The following SCN11A variants were observed in gnomAD, a reference collection of about 807,000 sequenced individuals.
SCN11A encodes sodium voltage-gated channel alpha subunit 11.
A neutral mutation model predicts 162.2 loss-of-function variants in SCN11A; 122 were observed. The observed-to-expected ratio is 0.75, with a 90% CI of 0.65 to 0.87. The LOEUF is 0.87. Among genes scored for constraint, SCN11A ranks in the 40% least tolerant of loss-of-function variants. The probability of loss-of-function intolerance (pLI) is 0.00; values close to 1 mark genes in which losing one functional copy is unlikely to be tolerated. For synonymous variants in SCN11A, 758 were observed against 751.5 expected, an observed-to-expected ratio of 1.01 and a Z score of -0.14; for missense variants, 2,015 against 2,181.6, an observed-to-expected ratio of 0.92 and a Z score of 1.52.
At chr3:38,930,723 A>T (rs1350633052) in intron 7 of SCN11A, among the ~76,000 whole-genome samples, 1 of 152,160 alleles carries the variant, frequency 6.6e-6, no homozygotes. Context: ...TCTGATGTGG[A>T]GTAAAACCAT....
At chr3:39,041,280 C>T (rs1177999809) in intron 1 of SCN11A, among the ~76,000 whole-genome samples, 1 of 152,038 alleles carries the variant, frequency 6.6e-6, no homozygotes, top group African/African-American at 2.4e-5. Flanking sequence ...AATAGAAAAC[C>T]TATTTGATGA....
intron 22 of SCN11A, 102 bp downstream of exon 22, chr3:38,883,131 G>C: frequency 9.8e-7 from 1 of 1,020,038 alleles, no homozygotes; most frequent in Non-Finnish European, 1.4e-6. Context: ...GACCACTTCT[G>C]TCTGGTCTCC....
rs577638660 is a variant in SCN11A, at chr3:38,988,497, G to A, written c.-279-28074C>T. On this transcript the variant is annotated intron_variant, in intron 2 of 29. Transcript: ENST00000302328. ...CACCTTGCAGTCTCTTTCTGTCTCA[G>A]GTAGTCCTCGCACACATCTTTCCCC... 3.8e-4 allele frequency among the ~76,000 whole-genome samples: 58 copies of A among 152,040 alleles called. 1 individual carries two copies. The highest frequency in any genetic ancestry group is 6.9e-4 in the Non-Finnish European group (47 of 67,998).
chr3:39,036,193 G>C (rs769949335), intron 1 of SCN11A, among the ~76,000 whole-genome samples: 4 of 151,966 alleles, frequency 2.6e-5, no homozygotes, highest in Admixed American at 6.6e-5. Context: ...GCCCAGGCTG[G>C]AGTGCAATGG....
chr3:38,856,478 A>AGC (rs1237139583), intron 28 of SCN11A, among the ~76,000 whole-genome samples: 6 of 152,194 alleles, frequency 3.9e-5, no homozygotes, highest in African/African-American at 1.4e-4. Flanking sequence ...TGTGAGGTGA[A>AGC]TAGCTTTCTG....
intron 1 of SCN11A, among the ~76,000 whole-genome samples, chr3:39,043,291 C>T (rs1201313521): frequency 2.0e-5 from 3 of 152,220 alleles, no homozygotes; most frequent in South Asian, 2.1e-4. Context: ...GGCTACCATA[C>T]GATCCAGCAA....
chr3:38,963,614 G>A (rs2066761861), intron 2 of SCN11A, among the ~76,000 whole-genome samples: 1 of 151,750 alleles, frequency 6.6e-6, no homozygotes. Flanking sequence ...TTCAAGTGAA[G>A]TAACTCAGGA....
intron 2 of SCN11A, among the ~76,000 whole-genome samples, chr3:38,991,337 T>C (rs2125594328): frequency 6.6e-6 from 1 of 152,250 alleles, no homozygotes; most frequent in South Asian, 2.1e-4. Context: ...GACTCTTTCC[T>C]CCGCCCAGAG....
At chr3:38,854,624 T>C (rs949574853) in intron 28 of SCN11A, among the ~76,000 whole-genome samples, 2 of 152,192 alleles carry the variant, frequency 1.3e-5, no homozygotes, top group Non-Finnish European at 2.9e-5. Context: ...AGAAGTGACA[T>C]GCCACTGCAG....
intron 2 of SCN11A, among the ~76,000 whole-genome samples, chr3:39,000,206 T>C (rs188408676): frequency 1.3e-5 from 2 of 152,372 alleles, no homozygotes; most frequent in East Asian, 3.9e-4. Flanking sequence ...GCATGTAGTC[T>C]GTGACTTGGA....
chr3:38,879,010 A>G (rs1302721020), intron 23 of SCN11A, among the ~76,000 whole-genome samples: 1 of 152,172 alleles, frequency 6.6e-6, no homozygotes, highest in African/African-American at 2.4e-5. Flanking sequence ...AAGGTATTAC[A>G]TAATCACATG....
At chr3:38,951,313 T>C (rs1575330236) in intron 4 of SCN11A, among the ~76,000 whole-genome samples, 1 of 152,116 alleles carries the variant, frequency 6.6e-6, no homozygotes, top group South Asian at 2.1e-4. Context: ...CTGCGGAGGG[T>C]GTACTGGGTC....
intron 7 of SCN11A, among the ~76,000 whole-genome samples, chr3:38,931,053 G>A (rs2125558725): frequency 6.6e-6 from 1 of 152,326 alleles, no homozygotes; most frequent in East Asian, 1.9e-4. Context: ...CTCCTCCATA[G>A]GTCCTGCCCT....
At chr3:38,920,044 A>G (rs886214356) in intron 10 of SCN11A, 43 bp from the exon 11 acceptor site, 1 of 1,454,320 alleles carries the variant, frequency 6.9e-7, no homozygotes, top group East Asian at 2.3e-5. Flanking sequence ...TAAAAAAAAC[A>G]TTGAAAGGAA....
chr3:38,892,545 A>G (rs1190764963), intron 19 of SCN11A, among the ~76,000 whole-genome samples: 1 of 152,194 alleles, frequency 6.6e-6, no homozygotes, highest in East Asian at 1.9e-4. Flanking sequence ...TCACAGGAAC[A>G]AATGAAGACA....
chr3:39,015,561 G>A (rs1317726874), intron 2 of SCN11A, among the ~76,000 whole-genome samples: 1 of 152,058 alleles, frequency 6.6e-6, no homozygotes, highest in Admixed American at 6.6e-5. Flanking sequence ...TGTATACTCT[G>A]TGCCTCTCCT....
At chr3:38,976,444 T>C (rs1195782520) in intron 2 of SCN11A, among the ~76,000 whole-genome samples, 1 of 152,168 alleles carries the variant, frequency 6.6e-6, no homozygotes, top group Non-Finnish European at 1.5e-5. Flanking sequence ...AGTTAGAGCA[T>C]TCATAATCTA....
intron 1 of SCN11A, among the ~76,000 whole-genome samples, chr3:39,033,480 A>G (rs1015631162): frequency 2.0e-5 from 3 of 152,232 alleles, no homozygotes; most frequent in African/African-American, 7.2e-5. Flanking sequence ...TTGTGAGAAA[A>G]GCATTGTTAT....
intron 14 of SCN11A, 39 bp downstream of exon 14, chr3:38,907,910 C>G: frequency 3.3e-6 from 5 of 1,535,238 alleles, no homozygotes; most frequent in Non-Finnish European, 4.4e-6. Flanking sequence ...TCCCCCTGGA[C>G]AGCAATATGG....
Sources: gnomAD v4.1 joint callset for allele counts (sites outside exome capture counted in the v4.1 genomes callset) on GRCh38, gnomAD v4.1.1 for gene constraint, MANE v1.5 for transcripts, NCBI Gene and HGNC (gene_info 2026-07-23, HGNC 2026-07-21) for gene names.